FBXO38: variants seen among roughly 807,000 people sequenced by gnomAD.
FBXO38 encodes the protein F-box only protein 38.
Under a neutral mutation model 131.9 loss-of-function variants are expected in FBXO38, and 53 were observed. The ratio of observed to expected loss-of-function variants is 0.40; its 90% CI spans 0.32 to 0.51. The LOEUF (loss-of-function observed/expected upper bound fraction) is 0.51, where lower values mean the gene tolerates loss of function less well. Among genes scored for constraint, FBXO38 ranks in the 20% least tolerant of loss-of-function variants. The pLI is 0.53. For synonymous variants in FBXO38, 452 were observed against 505.6 expected (o/e 0.89, Z 1.42); for missense variants, 1,076 against 1,475.6 (o/e 0.73, Z 4.44).
rs1187388726 is a variant in FBXO38 at position 148,402,587 on chromosome 5, T to C, written c.592+74T>C. 4 of 1,267,690 alleles carry C rather than the reference T, an allele frequency of 3.2e-6. No homozygotes were observed. The African/African-American group carries it at 6.0e-5, about 19-fold the overall frequency. The allele number at this position is 1,267,690 out of a possible 1,614,324, so 78.5% of individuals were successfully genotyped here. A position where few individuals can be genotyped will look rare whatever the true frequency, so the allele number is the denominator to read the frequency against. On this transcript the variant is annotated intron_variant, in intron 5 of 21. Coordinates refer to ENST00000340253, the MANE Select transcript of FBXO38 (RefSeq NM_205836.3). Reference sequence around the variant, plus strand: ...AATGTGAATATTCACTGAAAAAGAATAATGAGAATTTTAGAGATGGCTTTG... The same window carrying C: ...AATGTGAATATTCACTGAAAAAGAACAATGAGAATTTTAGAGATGGCTTTG...
intron 12 of FBXO38, among the ~76,000 whole-genome samples, chr5:148,419,300 A>G (rs149211572): frequency 6.6e-6 from 1 of 152,314 alleles, no homozygotes; most frequent in East Asian, 1.9e-4. Context: ...TCACTCCCAC[A>G]TGGTAGTGTG....
chr5:148,400,394 G>A (rs1207036781), intron 3 of FBXO38, among the ~76,000 whole-genome samples: 2 of 152,066 alleles, frequency 1.3e-5, no homozygotes, highest in African/African-American at 2.4e-5. Context: ...AGACAGGATG[G>A]CAGAACTCCC....
chr5:148,436,777 T>C (rs1428153049), intron 17 of FBXO38, among the ~76,000 whole-genome samples: 2 of 152,238 alleles, frequency 1.3e-5, no homozygotes, highest in Non-Finnish European at 2.9e-5. Context: ...CCCCAGACTC[T>C]ATTGTTTACT....
In FBXO38 at chr5:148,404,426, CAT is replaced by C. The variant is rs539752018; in HGVS notation, c.593-257_593-256del. ...ATGAGAAAGACTTACATGTCTAAGA[CAT>C]AGAAATACTTTTTAAACTCTATCTT... is the stretch of plus-strand genomic sequence containing the variant. On this transcript the variant is annotated intron_variant, in intron 5 of 21. Coordinates refer to ENST00000340253, the MANE Select transcript of FBXO38 (RefSeq NM_205836.3). 1.6e-4 allele frequency among the ~76,000 whole-genome samples: 24 copies of C among 152,264 alleles called. No individual in the cohort carries two copies. In the East Asian group the frequency reaches 4.6e-3, roughly 29 times the overall value.
chr5:148,392,241 A>T (rs1758233669), intron 1 of FBXO38, among the ~76,000 whole-genome samples: 1 of 152,192 alleles, frequency 6.6e-6, no homozygotes, highest in African/African-American at 2.4e-5. Flanking sequence ...ATGGGAATGG[A>T]TGTAAGAACT....
Position 148,427,756 on chromosome 5 carries a change from C to T in FBXO38, c.2462C>T (p.Pro821Leu). 1.9e-6 allele frequency: 3 copies of T among 1,612,646 alleles called. No individual in the cohort carries two copies. Among genetic ancestry groups the T allele is most frequent in the Non-Finnish European group, 2.5e-6 (3 of 1,179,166 alleles). Residue 821 changes from proline (P) to leucine (L), a missense_variant, in exon 15 of 22, where the codon CCA (proline) becomes CTA (leucine). Physicochemically the swap from Pro to Leu is moderately conservative, Grantham distance 98 (BLOSUM62 -3). This residue lies in a region of FBXO38 where 213 missense variants were observed against 225.2 expected (regional missense o/e 0.95). Transcript: ENST00000340253. Reference sequence around the variant, plus strand: ...TCCGCCTTTTCCTTTAGGACTCTGCCACAAGGGGGGTCTTCAGGCCCAGCA... The same window carrying T: ...TCCGCCTTTTCCTTTAGGACTCTGCTACAAGGGGGGTCTTCAGGCCCAGCA... ...TRSAFSFRTL[P>L]QGGSSGPAHD...
At chr5:148,420,465 A>G (rs995820293) in intron 12 of FBXO38, among the ~76,000 whole-genome samples, 8 of 152,102 alleles carry the variant, frequency 5.3e-5, no homozygotes, top group South Asian at 4.1e-4. Context: ...ACATTTGCCT[A>G]TAAGTGTCAC....
intron 12 of FBXO38, among the ~76,000 whole-genome samples, chr5:148,423,063 G>A (rs936282264): frequency 4.6e-5 from 7 of 152,134 alleles, no homozygotes; most frequent in South Asian, 2.1e-4. Context: ...CCTTATTTCA[G>A]TGAACCCTTC....
chr5:148,390,169 G>C (rs1400697756), intron 1 of FBXO38: 1 of 152,106 alleles, frequency 6.6e-6, no homozygotes, highest in Non-Finnish European at 1.5e-5. Context: ...AGCCCAGCTG[G>C]GTATTTCACT....
Position 148,441,245 on chromosome 5 carries a change from T to C in FBXO38, c.3388+8T>C. ...TTGAAGACGATGAAGAAAGTAATTA[T>C]GACCTGACTTGACATCTATTCTCTA... On this transcript the variant is annotated splice_region_variant and intron_variant, in intron 21 of 21. Transcript: ENST00000340253. The C allele has an allele frequency of 6.3e-7, 1 of 1,578,376 alleles. No homozygotes were observed. The highest frequency in any genetic ancestry group is 1.3e-5 in the African/African-American group (1 of 74,238).
At chr5:148,439,425 A>G (rs1188156434) in intron 18 of FBXO38, among the ~76,000 whole-genome samples, 2 of 152,250 alleles carry the variant, frequency 1.3e-5, no homozygotes, top group African/African-American at 2.4e-5. Context: ...GCATTTAAAT[A>G]TAACAGTGAG....
chr5:148,409,972 T>A (rs1223059796), intron 8 of FBXO38, among the ~76,000 whole-genome samples: 1 of 152,238 alleles, frequency 6.6e-6, no homozygotes, highest in South Asian at 2.1e-4. Flanking sequence ...TCTTCAGGTT[T>A]AGTAAAGCAC....
chr5:148,385,097 A>T (rs999906385), intron 1 of FBXO38: 4 of 152,230 alleles, frequency 2.6e-5, no homozygotes, highest in Admixed American at 2.0e-4. Context: ...GAGGAGGTCC[A>T]GTCTGGAGGG....
intron 12 of FBXO38, chr5:148,423,722 C>T (rs1753564751): frequency 9.3e-6 from 2 of 215,386 alleles, no homozygotes; most frequent in African/African-American, 2.3e-5. Flanking sequence ...CATATTTTGC[C>T]TTGTTTCTTT....
chr5:148,414,424 G>T, intron 10 of FBXO38, 118 bp downstream of exon 10: 1 of 976,570 alleles, frequency 1.0e-6, no homozygotes, highest in Non-Finnish European at 1.5e-6. Flanking sequence ...ATTTCATTTG[G>T]ATTGTTCATA....
intron 3 of FBXO38, chr5:148,399,575 C>G (rs1219607493): frequency 6.4e-6 from 1 of 155,416 alleles, no homozygotes; most frequent in East Asian, 1.9e-4. Context: ...CCACAGAACT[C>G]CAATTTCTTT....
intron 17 of FBXO38, among the ~76,000 whole-genome samples, chr5:148,437,602 A>G (rs1174453586): frequency 6.6e-6 from 1 of 152,188 alleles, no homozygotes; most frequent in Non-Finnish European, 1.5e-5. Flanking sequence ...CCTGGTTGAA[A>G]TCTGCAGTGA....
intron 17 of FBXO38, 41 bp downstream of exon 17, chr5:148,433,778 G>A: frequency 8.9e-7 from 1 of 1,126,984 alleles, no homozygotes; most frequent in Non-Finnish European, 1.3e-6. Context: ...TATCATGAAT[G>A]AGTTAAAAGA....
At chr5:148,391,406 C>A (rs1758187760) in intron 1 of FBXO38, among the ~76,000 whole-genome samples, 1 of 152,152 alleles carries the variant, frequency 6.6e-6, no homozygotes, top group Non-Finnish European at 1.5e-5. Flanking sequence ...TTAAGTCCCA[C>A]AGGGAGCTCA....
Sources: allele counts gnomAD v4.1 joint callset (sites outside exome capture counted in the v4.1 genomes callset), GRCh38; gene constraint gnomAD v4.1.1; regional missense constraint gnomAD v4.1.1; transcripts MANE v1.5; gene names NCBI Gene and HGNC (gene_info 2026-07-23, HGNC 2026-07-21).